The following TMC1 variants were observed in gnomAD, a reference collection of about 807,000 sequenced individuals.
TMC1 encodes transmembrane channel-like protein 1.
Under a neutral mutation model 105.8 loss-of-function variants are expected in TMC1, and 84 were observed. That is an observed-to-expected ratio of 0.79 (90% CI 0.67 to 0.95). TMC1 has a LOEUF of 0.95. Among genes scored for constraint, TMC1 ranks in the 40% least tolerant of loss-of-function variants. The pLI, the probability that TMC1 is intolerant of heterozygous loss-of-function variation, is 0.00. For synonymous variants in TMC1, 315 were observed against 311.5 expected (o/e 1.01, Z -0.12); for missense variants, 817 against 914.1 (o/e 0.89, Z 1.37).
Position 72,818,122 on chromosome 9 carries a change from A to T in TMC1, c.1763+1912A>T, listed in dbSNP as rs1212325018. Among the ~76,000 whole-genome samples the T allele has an allele frequency of 3.9e-5, 6 of 152,180 alleles. No homozygotes were observed. In the East Asian group the frequency reaches 1.2e-3, roughly 29 times the overall value. ...AGGCTGACTCTGCACAAAGGTCCTCACACACAATCGTTCCATTATTTTATG... is the reference window on the plus strand; with the variant it reads ...AGGCTGACTCTGCACAAAGGTCCTCTCACACAATCGTTCCATTATTTTATG... On this transcript the variant is annotated intron_variant, in intron 19 of 23. Transcript: ENST00000297784.
In TMC1 at chr9:72,640,217, T is replaced by C. The variant is rs77085432; in HGVS notation, c.-52-8380T>C. The stretch of plus-strand genomic sequence containing the variant: ...TGATAATATAGTTAGGATGACCACT[T>C]GTCATGGCTGGCCTGTGAGAATCCT... On this transcript the variant is annotated intron_variant, in intron 4 of 23. Transcript: ENST00000297784. Among the ~76,000 whole-genome samples, 622 of 152,348 alleles carry C rather than the reference T, an allele frequency of 4.1e-3. 3 individuals carry two copies. The highest frequency in any genetic ancestry group is 0.014 in the African/African-American group (591 of 41,580).
At chr9:72,545,061 C>T (rs546321999) in intron 1 of TMC1, among the ~76,000 whole-genome samples, 30 of 151,800 alleles carry the variant, frequency 2.0e-4, no homozygotes, top group Middle Eastern at 3.2e-3. Flanking sequence ...CCTGAGTCTC[C>T]AATTCCACCC....
chr9:72,696,448 A>G (rs1288915414), intron 7 of TMC1, among the ~76,000 whole-genome samples: 1 of 152,174 alleles, frequency 6.6e-6, no homozygotes, highest in Non-Finnish European at 1.5e-5. Flanking sequence ...TCTATTTTAG[A>G]GTCTATTTTC....
chr9:72,791,058 T>G (rs144568548), intron 15 of TMC1, among the ~76,000 whole-genome samples: 1 of 152,268 alleles, frequency 6.6e-6, no homozygotes, highest in Non-Finnish European at 1.5e-5. Flanking sequence ...ATTTCCCTAT[T>G]AGAAAATTAG....
chr9:72,627,672 G>A (rs976344879), intron 3 of TMC1, among the ~76,000 whole-genome samples: 2 of 150,312 alleles, frequency 1.3e-5, no homozygotes, highest in African/African-American at 2.5e-5. Context: ...TCCAAATGAG[G>A]TTGTACACAC....
chr9:72,804,341 C>T (rs1564565907), intron 17 of TMC1, among the ~76,000 whole-genome samples: 1 of 151,902 alleles, frequency 6.6e-6, no homozygotes, highest in Non-Finnish European at 1.5e-5. Flanking sequence ...ATGTGTTTAC[C>T]TATGTAATAA....
Position 72,772,859 on chromosome 9 carries a change from G to T in TMC1, c.884+304G>T, listed in dbSNP as rs554167560. ...GTACTTGAAGGTGTGAATTAATGTT[G>T]CCAGCAAGACAGGAAAACAGCTGCT... On this transcript the variant is annotated intron_variant, in intron 13 of 23. Coordinates refer to ENST00000297784, the MANE Select transcript of TMC1 (RefSeq NM_138691.3). Among the ~76,000 whole-genome samples, 3 of 152,198 alleles carry T rather than the reference G, an allele frequency of 2.0e-5. No individual in the cohort carries two copies. The South Asian group carries it at 6.2e-4, about 32-fold the overall frequency.
At chr9:72,680,611 CTA>C (rs1399832454) in intron 5 of TMC1, among the ~76,000 whole-genome samples, 5 of 152,194 alleles carry the variant, frequency 3.3e-5, no homozygotes, top group African/African-American at 1.2e-4. Flanking sequence ...TTTTAGGAAA[CTA>C]TGAATCTAAG....
At chr9:72,726,239 T>C (rs1343545990) in intron 8 of TMC1, among the ~76,000 whole-genome samples, 1 of 152,240 alleles carries the variant, frequency 6.6e-6, no homozygotes, top group Non-Finnish European at 1.5e-5. Context: ...GTATTTATGA[T>C]GCTTTTGTAA....
chr9:72,806,234 A>G (rs1588092591), intron 18 of TMC1, among the ~76,000 whole-genome samples: 1 of 106,454 alleles, frequency 9.4e-6, no homozygotes, highest in South Asian at 2.9e-4. Flanking sequence ...TGACCACCCC[A>G]CCTCCCTCCC....
chr9:72,521,886 C>G lies in TMC1; in HGVS notation c.-455C>G, dbSNP rs1823318613. The G allele has an allele frequency of 6.6e-6, 1 of 152,146 alleles. No homozygotes were observed. Among genetic ancestry groups the G allele is most frequent in the Non-Finnish European group, 1.5e-5 (1 of 68,042 alleles). 9.4% of individuals were successfully genotyped at this position (152,146 alleles called of 1,614,324 possible). ...TGCTGAAATTTAGGAATCATTGCCC[C>G]AAAAAGTGGCCCTCATAATGATGCC... On this transcript the variant is annotated 5_prime_UTR_variant, in exon 1 of 24. Transcript: ENST00000297784.
intron 5 of TMC1, among the ~76,000 whole-genome samples, chr9:72,675,310 T>C (rs531938960): frequency 2.6e-5 from 4 of 152,154 alleles, no homozygotes; most frequent in Non-Finnish European, 4.4e-5. Context: ...ACTAATAGAA[T>C]TTCAGTCATT....
At chr9:72,664,631 G>A (rs1564476708) in intron 5 of TMC1, among the ~76,000 whole-genome samples, 1 of 152,168 alleles carries the variant, frequency 6.6e-6, no homozygotes, top group East Asian at 1.9e-4. Context: ...GTTTGGATGG[G>A]GATGGTCAGA....
In TMC1 at chr9:72,589,712, T is replaced by C. The variant is rs35583217; in HGVS notation, c.-306+11689T>C. Among the ~76,000 whole-genome samples, 901 of 152,352 alleles carry C rather than the reference T, an allele frequency of 5.9e-3. 5 individuals are homozygous for C. Among genetic ancestry groups the C allele is most frequent in the Non-Finnish European group, 0.011 (720 of 68,038 alleles). On this transcript the variant is annotated intron_variant, in intron 2 of 23. Coordinates refer to ENST00000297784, the MANE Select transcript of TMC1 (RefSeq NM_138691.3). Reference sequence around the variant, plus strand: ...GAATGACTACTAATACCCAGGTGTGTTCTTGTCTTTCTTGAGTCAATTCTA... The same window carrying C: ...GAATGACTACTAATACCCAGGTGTGCTCTTGTCTTTCTTGAGTCAATTCTA...
intron 11 of TMC1, among the ~76,000 whole-genome samples, chr9:72,752,447 AACACACACAC>A (rs10640023): frequency 4.7e-5 from 7 of 149,106 alleles, no homozygotes; most frequent in Non-Finnish European, 8.9e-5. Context: ...TAATGCCCAC[AACACACACAC>A]ACACACACAC....
intron 20 of TMC1, among the ~76,000 whole-genome samples, chr9:72,824,485 A>T (rs1828922220): frequency 6.6e-6 from 1 of 152,160 alleles, no homozygotes; most frequent in African/African-American, 2.4e-5. Flanking sequence ...TTGAGTAATG[A>T]AATTGGCTCT....
At chr9:72,591,811 C>T (rs114071391) in intron 2 of TMC1, among the ~76,000 whole-genome samples, 5,721 of 152,278 alleles carry the variant, frequency 0.038, 153 homozygotes, top group Middle Eastern at 0.095. Flanking sequence ...CTAAAGCAAG[C>T]CTCTCTCCTT....
intron 10 of TMC1, among the ~76,000 whole-genome samples, chr9:72,744,831 C>T (rs531121706): frequency 6.6e-6 from 1 of 152,260 alleles, no homozygotes; most frequent in African/African-American, 2.4e-5. Context: ...GCCAGTGAAA[C>T]AAAAACAGAC....
rs1250578198 is a variant in TMC1 at position 72,788,572 on chromosome 9, G to C, written c.1029+89G>C. On this transcript the variant is annotated intron_variant, in intron 14 of 23. Transcript: ENST00000297784. ...ATCTGGTCCAGTAGTGCAGTATCTT[G>C]ACAATTTACATGAAAGATTAACTCA... 35 of 1,334,294 alleles carry C rather than the reference G, an allele frequency of 2.6e-5. No individual in the cohort carries two copies. In the East Asian group the frequency reaches 7.7e-4, roughly 29 times the overall value. 82.7% of individuals were successfully genotyped at this position (1,334,294 alleles called of 1,614,324 possible). A position where few individuals can be genotyped will look rare whatever the true frequency, so the allele number is the denominator to read the frequency against.
Sources: allele counts gnomAD v4.1 joint callset (sites outside exome capture counted in the v4.1 genomes callset), GRCh38; gene constraint gnomAD v4.1.1; transcripts MANE v1.5; gene names NCBI Gene and HGNC (gene_info 2026-07-23, HGNC 2026-07-21).